The following UBE2E2 variants were observed in gnomAD, a reference collection of about 807,000 sequenced individuals.
UBE2E2 encodes the protein ubiquitin conjugating enzyme E2 E2.
In UBE2E2, 6 loss-of-function variants were observed where a neutral mutation model predicts 24.7. The observed-to-expected ratio is 0.24, with a 90% confidence interval of 0.13 to 0.48. UBE2E2 has a LOEUF of 0.48. Among genes scored for constraint, UBE2E2 ranks in the 20% least tolerant of loss-of-function variants. UBE2E2 has a pLI of 0.99. For missense variants in UBE2E2, 169 were observed against 245.0 expected (o/e 0.69, Z 2.07); for synonymous variants, 104 against 83.6 (o/e 1.24, Z -1.33).
chr3:23,351,841 CA>C (rs1559357867), intron 3 of UBE2E2, among the ~76,000 whole-genome samples: 2 of 152,138 alleles, frequency 1.3e-5, no homozygotes, highest in Non-Finnish European at 2.9e-5. Context: ...AGAAAGTTAA[CA>C]AGGATACCCA....
In UBE2E2 at chr3:23,484,470, A is replaced by G. The variant is rs150534693; in HGVS notation, c.228-15138A>G. 9.9e-3 allele frequency among the ~76,000 whole-genome samples: 1,505 copies of G among 152,214 alleles called. 15 individuals are homozygous for G. Among genetic ancestry groups the G allele is most frequent in the East Asian group, 0.015 (79 of 5,174 alleles). On this transcript the variant is annotated intron_variant, in intron 3 of 5. Transcript: ENST00000396703. Reference sequence around the variant, plus strand: ...AAACTTTTTTTTTTACAGGGTTCCCATAGCATCTTGATTATGAATCCTGTG... The same window carrying G: ...AAACTTTTTTTTTTACAGGGTTCCCGTAGCATCTTGATTATGAATCCTGTG...
intron 5 of UBE2E2, among the ~76,000 whole-genome samples, chr3:23,575,051 A>C (rs1220410838): frequency 6.6e-6 from 1 of 152,230 alleles, no homozygotes; most frequent in African/African-American, 2.4e-5. Flanking sequence ...CTTGCAGTGG[A>C]TAACATTAAA....
At chr3:23,534,011 A>G (rs1351315992) in intron 5 of UBE2E2, 1 of 163,256 alleles carries the variant, frequency 6.1e-6, no homozygotes, top group African/African-American at 2.4e-5. Flanking sequence ...CAATAATGTT[A>G]TACTAATTTA....
chr3:23,540,424 T>G (rs1035856194), intron 5 of UBE2E2, among the ~76,000 whole-genome samples: 3 of 138,594 alleles, frequency 2.2e-5, no homozygotes, highest in African/African-American at 8.9e-5. Context: ...TTGTTTGTTT[T>G]GAGACAGTTT....
At chr3:23,258,569 C>T (rs963838204) in intron 3 of UBE2E2, among the ~76,000 whole-genome samples, 6 of 152,010 alleles carry the variant, frequency 3.9e-5, no homozygotes, top group African/African-American at 1.4e-4. Flanking sequence ...TTGATTATAA[C>T]AAACATCTTT....
At chr3:23,342,547 T>A (rs1695424527) in intron 3 of UBE2E2, among the ~76,000 whole-genome samples, 1 of 152,246 alleles carries the variant, frequency 6.6e-6, no homozygotes, top group Admixed American at 6.5e-5. Flanking sequence ...AGGCTACATT[T>A]TCACACTACA....
chr3:23,558,490 G>A (rs898177439), intron 5 of UBE2E2, among the ~76,000 whole-genome samples: 8 of 152,098 alleles, frequency 5.3e-5, no homozygotes, highest in African/African-American at 1.7e-4. Flanking sequence ...AGATTATGAC[G>A]TTTGTACCAT....
intron 5 of UBE2E2, among the ~76,000 whole-genome samples, chr3:23,577,618 G>A (rs558815208): frequency 2.6e-5 from 4 of 152,358 alleles, no homozygotes; most frequent in African/African-American, 9.6e-5. Flanking sequence ...AGAAGCAGTT[G>A]CTGATATAGA....
intron 3 of UBE2E2, among the ~76,000 whole-genome samples, chr3:23,266,227 G>C (rs186795609): frequency 0.014 from 2,176 of 152,286 alleles, 53 homozygotes; most frequent in African/African-American, 0.05. Flanking sequence ...AGTTGATGCA[G>C]TTTCTTCCTA....
At chr3:23,399,588 T>C (rs1310985964) in intron 3 of UBE2E2, among the ~76,000 whole-genome samples, 1 of 152,240 alleles carries the variant, frequency 6.6e-6, no homozygotes, top group Non-Finnish European at 1.5e-5. Flanking sequence ...ATGAACTGTT[T>C]ATTTCTGGAA....
chr3:23,522,866 C>G (rs1694901030), intron 4 of UBE2E2, among the ~76,000 whole-genome samples: 1 of 151,632 alleles, frequency 6.6e-6, no homozygotes, highest in Non-Finnish European at 1.5e-5. Context: ...TTCCACAGTC[C>G]AAAGCACATG....
Position 23,589,846 on chromosome 3 carries a change from C to T in UBE2E2, c.*15C>T. 2 of 1,613,396 alleles carry T rather than the reference C, an allele frequency of 1.2e-6. No individual in the cohort carries two copies. The highest frequency in any genetic ancestry group is 1.7e-5 in the Admixed American group (1 of 60,028). ...ACGCCACATAGGGGCCTGCTGCCTG[C>T]CGCCCCGCGGGACCTGTGCAAGCAC... On this transcript the variant is annotated 3_prime_UTR_variant, in exon 6 of 6. Coordinates refer to ENST00000396703, the MANE Select transcript of UBE2E2 (RefSeq NM_152653.4). The surrounding 1 kb of genome is among the most constrained non-coding windows in gnomAD (Gnocchi z 4.1).
chr3:23,467,396 A>G (rs543289918), intron 3 of UBE2E2, among the ~76,000 whole-genome samples: 103 of 152,292 alleles, frequency 6.8e-4, no homozygotes, highest in African/African-American at 2.1e-3. Context: ...GCTAGAAACA[A>G]TGTGAATTTT....
intron 3 of UBE2E2, among the ~76,000 whole-genome samples, chr3:23,489,546 C>G (rs1190482884): frequency 6.6e-6 from 1 of 152,170 alleles, no homozygotes; most frequent in African/African-American, 2.4e-5. Flanking sequence ...AAGTGAAACT[C>G]TTACTGTTTC....
intron 3 of UBE2E2, among the ~76,000 whole-genome samples, chr3:23,243,060 T>TG (rs1697298180): frequency 6.7e-6 from 1 of 150,186 alleles, no homozygotes; most frequent in Admixed American, 6.6e-5. Flanking sequence ...CACTCCAGCC[T>TG]GGGCGACAGA....
intron 3 of UBE2E2, among the ~76,000 whole-genome samples, chr3:23,273,260 C>T (rs1698294678): frequency 6.6e-6 from 1 of 152,120 alleles, no homozygotes; most frequent in Non-Finnish European, 1.5e-5. Context: ...AATGATGGGG[C>T]CGGGCGCAGT....
intron 3 of UBE2E2, among the ~76,000 whole-genome samples, chr3:23,490,686 C>G (rs1190137457): frequency 1.3e-5 from 2 of 152,286 alleles, no homozygotes; most frequent in East Asian, 3.9e-4. Flanking sequence ...ACTCTCTAAG[C>G]TTGCTGGCTA....
chr3:23,281,286 A>G (rs1024038695), intron 3 of UBE2E2, among the ~76,000 whole-genome samples: 1 of 152,206 alleles, frequency 6.6e-6, no homozygotes, highest in East Asian at 1.9e-4. Context: ...TGTTTCTGTA[A>G]TATAAAAAAA....
intron 3 of UBE2E2, among the ~76,000 whole-genome samples, chr3:23,493,606 A>C (rs897221687): frequency 6.6e-6 from 1 of 152,230 alleles, no homozygotes; most frequent in Non-Finnish European, 1.5e-5. Context: ...AAGTGGGAAA[A>C]CATTACTTAA....
Sources: gnomAD v4.1 joint callset for allele counts (sites outside exome capture counted in the v4.1 genomes callset) on GRCh38, gnomAD v4.1.1 for gene constraint, Gnocchi (gnomAD v3.1) non-coding constraint, MANE v1.5 for transcripts, NCBI Gene and HGNC (gene_info 2026-07-23, HGNC 2026-07-21) for gene names.